Variants in MLLT10 observed in about 807,000 individuals in gnomAD.
The protein encoded by MLLT10 is MLLT10 histone lysine methyltransferase DOT1L cofactor, also known as protein AF-10.
MLLT10 carries 30 observed loss-of-function variants against 129.1 expected under a neutral mutation model. That is an observed-to-expected ratio of 0.23 (90% CI 0.17 to 0.32). The LOEUF (loss-of-function observed/expected upper bound fraction) is 0.32. MLLT10 is among the 10% of genes least tolerant of loss of function. The pLI, the probability that MLLT10 is intolerant of heterozygous loss-of-function variation, is 1.00. For synonymous variants in MLLT10, 490 were observed against 446.4 expected, an observed-to-expected ratio of 1.10 and a Z score of -1.23; for missense variants, 1,119 against 1,268.3, an observed-to-expected ratio of 0.88 and a Z score of 1.79.
At position 21,651,903 on chromosome 10, in the gene MLLT10, C is replaced by CTTT. The variant is rs775460288; in HGVS notation, c.795+160_795+162dup. On this transcript the variant is annotated intron_variant, in intron 9 of 22. Transcript: ENST00000307729. ...TATCAGGCACTTAGAATTCTCATTTCTTTTTTTTTTTTTTTTTTTTTTTTT... is the reference window on the plus strand; with the variant it reads ...TATCAGGCACTTAGAATTCTCATTTCTTTTTTTTTTTTTTTTTTTTTTTTTTTT... 350 of 133,662 alleles carry CTTT rather than the reference C, an allele frequency of 2.6e-3. 3 individuals are homozygous for CTTT. The highest frequency in any genetic ancestry group is 5.2e-3 in the South Asian group (60 of 11,566). 8.3% of individuals were successfully genotyped at this position (133,662 alleles called of 1,614,324 possible). A position where few individuals can be genotyped will look rare whatever the true frequency, so the allele number is the denominator to read the frequency against.
intron 3 of MLLT10, among the ~76,000 whole-genome samples, chr10:21,547,551 C>T (rs1359773627): frequency 6.7e-6 from 1 of 150,152 alleles, no homozygotes; most frequent in East Asian, 2.0e-4. Flanking sequence ...GTGATAGAGT[C>T]TCACTGTCAC....
intron 16 of MLLT10, among the ~76,000 whole-genome samples, chr10:21,730,475 C>T (rs575466760): frequency 3.9e-5 from 6 of 152,134 alleles, no homozygotes; most frequent in East Asian, 3.9e-4. Flanking sequence ...ATACCTTTTA[C>T]AGTATTATAC....
intron 11 of MLLT10, among the ~76,000 whole-genome samples, chr10:21,680,243 C>T (rs2052597140): frequency 6.6e-6 from 1 of 151,666 alleles, no homozygotes; most frequent in Non-Finnish European, 1.5e-5. Flanking sequence ...CCAAGTCTTG[C>T]TCTGTCGCCC....
chr10:21,624,936 G>T, intron 8 of MLLT10: 1 of 1,309,372 alleles, frequency 7.6e-7, no homozygotes. Flanking sequence ...TGGAGGTGGT[G>T]CTCCCCTCCC....
intron 9 of MLLT10, among the ~76,000 whole-genome samples, chr10:21,663,653 C>A (rs1480088284): frequency 6.6e-6 from 1 of 152,158 alleles, no homozygotes; most frequent in Non-Finnish European, 1.5e-5. Flanking sequence ...CAAGCTCCAT[C>A]TCCCAGGTTC....
At chr10:21,641,075 C>T (rs1471214716) in intron 8 of MLLT10, among the ~76,000 whole-genome samples, 1 of 152,162 alleles carries the variant, frequency 6.6e-6, no homozygotes, top group African/African-American at 2.4e-5. Context: ...ATTCAGACTA[C>T]GTTGATTGGA....
intron 2 of MLLT10, among the ~76,000 whole-genome samples, chr10:21,537,710 C>A (rs963912436): frequency 6.6e-6 from 1 of 152,134 alleles, no homozygotes; most frequent in African/African-American, 2.4e-5. Context: ...CTCAGGTGAT[C>A]CTCCTGCCTC....
chr10:21,656,603 C>CT (rs2049611041), intron 9 of MLLT10, among the ~76,000 whole-genome samples: 1 of 152,094 alleles, frequency 6.6e-6, no homozygotes, highest in South Asian at 2.1e-4. Flanking sequence ...TTTTCTGTGA[C>CT]TAACCTTTAA....
intron 9 of MLLT10, among the ~76,000 whole-genome samples, chr10:21,665,549 A>G (rs1356513697): frequency 6.6e-6 from 1 of 151,936 alleles, no homozygotes; most frequent in East Asian, 1.9e-4. Context: ...CCGCCTCCCA[A>G]ACAGCTGGGA....
chr10:21,734,227 A>G (rs1589891192), intron 20 of MLLT10, 98 bp downstream of exon 20: 2 of 1,437,642 alleles, frequency 1.4e-6, no homozygotes, highest in East Asian at 2.3e-5. Flanking sequence ...CTTTGTAGAT[A>G]CACCTTAAGA....
intron 21 of MLLT10, among the ~76,000 whole-genome samples, chr10:21,738,766 A>ATCATC (rs2131593832): frequency 6.6e-6 from 1 of 152,122 alleles, no homozygotes; most frequent in African/African-American, 2.4e-5. Flanking sequence ...AGGATACCAC[A>ATCATC]TCATCTTGGT....
intron 17 of MLLT10, 66 bp from the exon 18 acceptor site, chr10:21,732,833 C>A: frequency 7.7e-7 from 1 of 1,295,190 alleles, no homozygotes; most frequent in Non-Finnish European, 1.1e-6. Context: ...GTTACCGGCA[C>A]TGCGTAAAAT....
At chr10:21,703,890 A>G (rs1484173357) in intron 13 of MLLT10, among the ~76,000 whole-genome samples, 2 of 150,330 alleles carry the variant, frequency 1.3e-5, no homozygotes, top group African/African-American at 2.5e-5. Context: ...TTGATTTTCC[A>G]TATTATTGGT....
At chr10:21,579,520 T>G (rs116302539) in intron 3 of MLLT10, among the ~76,000 whole-genome samples, 308 of 151,996 alleles carry the variant, frequency 2.0e-3, no homozygotes, top group South Asian at 8.3e-3. Context: ...TGGTTTTTTT[T>G]TTTGTTTGTT....
At position 21,562,345 on chromosome 10, in the gene MLLT10, A is replaced by AT. The variant is rs1202921948; in HGVS notation, c.240+23442dup. On this transcript the variant is annotated intron_variant, in intron 3 of 22. Coordinates refer to ENST00000307729, the MANE Select transcript of MLLT10 (RefSeq NM_001195626.3). The stretch of plus-strand genomic sequence containing the variant: ...TTTTTGTTTTTTTATTTATTTATTT[A>AT]TTTTTTTTTGAGACGGCGTCTCACT... Among the ~76,000 whole-genome samples the AT allele has an allele frequency of 2.8e-3, 399 of 144,946 alleles. 2 individuals carry two copies. Among genetic ancestry groups the AT allele is most frequent in the South Asian group, 0.011 (49 of 4,536 alleles).
chr10:21,536,995 C>T (rs1225543662), intron 2 of MLLT10, among the ~76,000 whole-genome samples: 1 of 152,002 alleles, frequency 6.6e-6, no homozygotes, highest in Non-Finnish European at 1.5e-5. Context: ...CCATGTTGGT[C>T]AGGCTGGTCT....
rs60215493 is a variant in MLLT10, at chr10:21,602,544, G to A, written c.405+7104G>A. 9.1e-3 allele frequency among the ~76,000 whole-genome samples: 1,379 copies of A among 152,220 alleles called. 16 individuals carry two copies. Among genetic ancestry groups the A allele is most frequent in the African/African-American group, 0.031 (1,289 of 41,528 alleles). ...AGTTGCAAAAAGTCTGAGTGAGATA[G>A]ACTCCTAGATTAACTTATCTTATGT... On this transcript the variant is annotated intron_variant, in intron 5 of 22. Coordinates refer to ENST00000307729, the MANE Select transcript of MLLT10 (RefSeq NM_001195626.3).
At chr10:21,683,522 A>C (rs1470969992) in intron 13 of MLLT10, among the ~76,000 whole-genome samples, 1 of 152,220 alleles carries the variant, frequency 6.6e-6, no homozygotes, top group Non-Finnish European at 1.5e-5. Context: ...TAGAAAATAA[A>C]CTTGGGATTA....
At chr10:21,585,153 G>T (rs1197080979) in intron 3 of MLLT10, among the ~76,000 whole-genome samples, 1 of 151,616 alleles carries the variant, frequency 6.6e-6, no homozygotes, top group South Asian at 2.1e-4. Context: ...TGAACCCCTG[G>T]GCTCAAGCGA....
Sources: allele counts gnomAD v4.1 joint callset (sites outside exome capture counted in the v4.1 genomes callset), GRCh38; gene constraint gnomAD v4.1.1; transcripts MANE v1.5; gene names NCBI Gene and HGNC (gene_info 2026-07-23, HGNC 2026-07-21).